Variants in CDYL observed in about 807,000 individuals in gnomAD.
CDYL encodes chromodomain Y-like protein.
In CDYL, 8 loss-of-function variants were observed where a neutral mutation model predicts 47.3. The ratio of observed to expected loss-of-function variants is 0.17; its 90% CI spans 0.10 to 0.31. The LOEUF (loss-of-function observed/expected upper bound fraction) is 0.31. Ranked by LOEUF, CDYL falls within the 10% of genes least tolerant of loss-of-function variation. CDYL has a pLI of 1.00. For missense variants in CDYL, 471 were observed against 701.4 expected (o/e 0.67, Z 3.71); for synonymous variants, 266 against 265.0 (o/e 1.00, Z -0.04).
At chr6:4,726,665 T>C (rs9378410) in intron 2 of CDYL, among the ~76,000 whole-genome samples, 21,416 of 150,974 alleles carry the variant, frequency 0.14, 2,027 homozygotes, top group African/African-American at 0.28. Context: ...CACTGCCTTC[T>C]AGTCCAGCCT....
rs575699353 is a variant in CDYL, at chr6:4,898,320, AGAAGACATTT to A, written c.691+5946_691+5955del. On this transcript the variant is annotated intron_variant, in intron 2 of 6. Transcript: ENST00000397588. ...CAGCAGGAAACCTCCACTTGAAAAG[AGAAGACATTT>A]GAAGTCAAGTTACAGCAAACAGGCA... Among the ~76,000 whole-genome samples, 24 of 152,324 alleles carry A rather than the reference AGAAGACATTT, an allele frequency of 1.6e-4. 1 individual carries two copies. In the East Asian group the frequency reaches 4.4e-3, roughly 28 times the overall value.
chr6:4,931,205 G>A (rs1198304663), intron 2 of CDYL, among the ~76,000 whole-genome samples: 4 of 152,302 alleles, frequency 2.6e-5, no homozygotes, highest in South Asian at 2.1e-4. Context: ...GGGGATGGGT[G>A]GATAAGACAG....
rs1452095350 is a variant in CDYL, at chr6:4,830,454, C to T, written c.24+53647C>T. On this transcript the variant is annotated intron_variant, in intron 1 of 6. Coordinates refer to ENST00000397588, the MANE Select transcript of CDYL (RefSeq NM_004824.4). ...GGCTACCCCATTGTGTCTGTGGTCA[C>T]AGCCACATTTACTGGCAGGCACTCC... Among the ~76,000 whole-genome samples, 4 of 152,258 alleles carry T rather than the reference C, an allele frequency of 2.6e-5. No homozygotes were observed. In the South Asian group the frequency reaches 8.3e-4, roughly 32 times the overall value.
chr6:4,809,632 G>GCGA (rs1759468625), intron 1 of CDYL, among the ~76,000 whole-genome samples: 8 of 150,410 alleles, frequency 5.3e-5, no homozygotes, highest in African/African-American at 2.0e-4. Flanking sequence ...TTAGTCCTTG[G>GCGA]TGATATTTTG....
chr6:4,906,394 A>G (rs548230139), intron 2 of CDYL, among the ~76,000 whole-genome samples: 1 of 152,310 alleles, frequency 6.6e-6, no homozygotes, highest in East Asian at 1.9e-4. Context: ...GTGAGTGCGG[A>G]AGATCACACT....
In CDYL at chr6:4,820,676, A is replaced by G. The variant is rs561023029; in HGVS notation, c.24+43869A>G. ...AGACAGGAAAACTTTGAGGAGCTATATGAAGGAAAACAGGACCAAATTAAA... is the reference window on the plus strand; with the variant it reads ...AGACAGGAAAACTTTGAGGAGCTATGTGAAGGAAAACAGGACCAAATTAAA... On this transcript the variant is annotated intron_variant, in intron 1 of 6. Transcript: ENST00000397588. Among the ~76,000 whole-genome samples, 6 of 152,332 alleles carry G rather than the reference A, an allele frequency of 3.9e-5. No homozygotes were observed. The South Asian group carries it at 1.2e-3, about 32-fold the overall frequency.
chr6:4,786,239 A>T (rs1391745830), intron 1 of CDYL, among the ~76,000 whole-genome samples: 1 of 152,138 alleles, frequency 6.6e-6, no homozygotes, highest in Non-Finnish European at 1.5e-5. Flanking sequence ...TATGATATTA[A>T]CCATGTAGTC....
At chr6:4,724,802 AAAG>A (rs1330232336) in intron 2 of CDYL, 1 of 152,188 alleles carries the variant, frequency 6.6e-6, no homozygotes, top group African/African-American at 2.4e-5. Context: ...GTGTGGACTC[AAAG>A]AATTAGCAGC....
rs1246092358 is a variant in CDYL, at chr6:4,954,560, C to G, written c.*504C>G. The G allele has an allele frequency of 6.6e-6, 1 of 152,624 alleles. No individual in the cohort carries two copies. The highest frequency in any genetic ancestry group is 2.4e-5 in the African/African-American group (1 of 41,440). 9.5% of individuals were successfully genotyped at this position (152,624 alleles called of 1,614,324 possible). A position where few individuals can be genotyped will look rare whatever the true frequency, so the allele number is the denominator to read the frequency against. On this transcript the variant is annotated 3_prime_UTR_variant, in exon 7 of 7. Coordinates refer to ENST00000397588, the MANE Select transcript of CDYL (RefSeq NM_004824.4). ...TTTTTCTCCAAGAAGGTACAGATACCTCAGATTCGGGAAACTCAAAATCAA... is the reference window on the plus strand; with the variant it reads ...TTTTTCTCCAAGAAGGTACAGATACGTCAGATTCGGGAAACTCAAAATCAA...
At chr6:4,747,249 G>A (rs1043514278) in intron 3 of CDYL, among the ~76,000 whole-genome samples, 21 of 148,990 alleles carry the variant, frequency 1.4e-4, no homozygotes, top group Non-Finnish European at 2.7e-4. Context: ...AGAGGTTGCA[G>A]TGAGCAGAGA....
At chr6:4,851,858 A>G (rs1760838473) in intron 1 of CDYL, among the ~76,000 whole-genome samples, 1 of 152,210 alleles carries the variant, frequency 6.6e-6, no homozygotes, top group Admixed American at 6.5e-5. Flanking sequence ...TGCTGAATCT[A>G]CCAGCCCCCA....
At chr6:4,928,860 G>C (rs1352377574) in intron 2 of CDYL, 2 of 151,474 alleles carry the variant, frequency 1.3e-5, no homozygotes, top group Admixed American at 6.6e-5. Flanking sequence ...TAATATATTT[G>C]TATAGTATGT....
At chr6:4,885,678 G>A (rs371886601) in intron 1 of CDYL, among the ~76,000 whole-genome samples, 1 of 152,172 alleles carries the variant, frequency 6.6e-6, no homozygotes, top group Non-Finnish European at 1.5e-5. Context: ...TTTGTCTCTT[G>A]CGAAAAGTTC....
intron 4 of CDYL, among the ~76,000 whole-genome samples, chr6:4,939,103 A>G (rs1758287913): frequency 6.6e-6 from 1 of 152,188 alleles, no homozygotes; most frequent in Non-Finnish European, 1.5e-5. Flanking sequence ...GAAAACGTAG[A>G]CTGGCAAAAT....
intron 2 of CDYL, among the ~76,000 whole-genome samples, chr6:4,895,817 G>A (rs1007092642): frequency 2.6e-5 from 4 of 152,158 alleles, no homozygotes; most frequent in Non-Finnish European, 5.9e-5. Context: ...ATATAAGGAA[G>A]ATAATAATAG....
chr6:4,723,296 G>A (rs892979132), intron 2 of CDYL, among the ~76,000 whole-genome samples: 3 of 152,110 alleles, frequency 2.0e-5, no homozygotes, highest in Admixed American at 6.5e-5. Flanking sequence ...AGGGACTTGA[G>A]CATCTGTGGA....
rs117352292 is a variant in CDYL at position 4,782,083 on chromosome 6, C to T, written c.24+5276C>T. On this transcript the variant is annotated intron_variant, in intron 1 of 6. Coordinates refer to ENST00000397588, the MANE Select transcript of CDYL (RefSeq NM_004824.4). ...AGGTGGGTGGGGGTGGGTTGGGGAT[C>T]TGCCTGGCGGAAGAGGAGCTCTCGG... Among the ~76,000 whole-genome samples the T allele has an allele frequency of 7.7e-3, 1,168 of 151,738 alleles. 20 individuals carry two copies. The highest frequency in any genetic ancestry group is 0.04 in the East Asian group (205 of 5,116).
At chr6:4,772,852 C>T (rs6928581), upstream of CDYL, 18,463 of 310,924 alleles carry the variant, frequency 0.059, 1,977 homozygotes, top group African/African-American at 0.27. Flanking sequence ...GCCTTTGGCT[C>T]TGAGAATAGT....
At chr6:4,944,683 A>T (rs73352349) in intron 5 of CDYL, among the ~76,000 whole-genome samples, 2,051 of 152,318 alleles carry the variant, frequency 0.013, 49 homozygotes, top group African/African-American at 0.047. Context: ...GAGGAAGAAG[A>T]TTAGGCAGCA....
Sources: gnomAD v4.1 joint callset for allele counts (sites outside exome capture counted in the v4.1 genomes callset) on GRCh38, gnomAD v4.1.1 for gene constraint, MANE v1.5 for transcripts, NCBI Gene and HGNC (gene_info 2026-07-23, HGNC 2026-07-21) for gene names.